The following TMEM182 variants were observed in gnomAD, a reference collection of about 807,000 sequenced individuals.
The protein encoded by TMEM182 is transmembrane protein 182.
TMEM182 carries 20 observed loss-of-function variants against 26.8 expected under a neutral mutation model. The observed-to-expected ratio is 0.75, with a 90% CI of 0.53 to 1.09. The LOEUF is 1.09. TMEM182 is among the 50% of genes least tolerant of loss of function. The pLI, the probability that TMEM182 is intolerant of heterozygous loss-of-function variation, is 0.00. For synonymous variants in TMEM182, 109 were observed against 102.2 expected (o/e 1.07, Z -0.40); for missense variants, 277 against 275.5 (o/e 1.01, Z -0.04).
chr2:102,753,797 T>G (rs1679953818), intron 1 of TMEM182, among the ~76,000 whole-genome samples: 1 of 152,204 alleles, frequency 6.6e-6, no homozygotes, highest in South Asian at 2.1e-4. Context: ...GTAAGATGAA[T>G]AGCTGAATTT....
chr2:102,769,472 A>T (rs889802555), intron 3 of TMEM182, among the ~76,000 whole-genome samples: 1 of 152,118 alleles, frequency 6.6e-6, no homozygotes, highest in Non-Finnish European at 1.5e-5. Flanking sequence ...AACAATAAGT[A>T]TTATTTTAGT....
intron 4 of TMEM182, among the ~76,000 whole-genome samples, chr2:102,798,745 G>A (rs1573547965): frequency 1.3e-5 from 2 of 152,230 alleles, no homozygotes; most frequent in Non-Finnish European, 2.9e-5. Context: ...GGAGGCTGAG[G>A]CAGGAGAATC....
intron 3 of TMEM182, among the ~76,000 whole-genome samples, chr2:102,823,854 G>A (rs745566118): frequency 1.3e-5 from 2 of 152,194 alleles, no homozygotes; most frequent in South Asian, 4.1e-4. Context: ...CCATCCACTG[G>A]TTTAATGGGA....
Position 102,771,970 on chromosome 2 carries a change from G to A in TMEM182, c.331+7543G>A, listed in dbSNP as rs985294607. ...ATCACCCTCTAATGAAAATCACTGA[G>A]GCCATCTAGACATTTAGTCCCAAAA... On this transcript the variant is annotated intron_variant, in intron 3 of 4. Transcript: ENST00000412401. 2.6e-5 allele frequency among the ~76,000 whole-genome samples: 4 copies of A among 152,120 alleles called. No individual in the cohort carries two copies. The East Asian group carries it at 5.8e-4, about 22-fold the overall frequency.
rs763587468 is a variant in TMEM182 at position 102,762,281 on chromosome 2, T to C, written c.64T>C (p.Leu22=). The change falls in exon 1 of 5, where the codon TTG becomes CTG. Residue 22 remains leucine, a synonymous_variant. Transcript: ENST00000412401. ...LFGALGVLLF[L]VAFGSDYWLL... is the part of the protein sequence containing the mutation. ...TGGTGCTTTGGGGGTGTTACTCTTT[T>C]TGGTGGCTTTTGGATCGGATTATTG... is the stretch of plus-strand genomic sequence containing the variant. The C allele has an allele frequency of 6.2e-7, 1 of 1,613,926 alleles. No individual in the cohort carries two copies. The highest frequency in any genetic ancestry group is 1.3e-5 in the African/African-American group (1 of 74,928).
chr2:102,780,687 C>T (rs1340733436), intron 3 of TMEM182, among the ~76,000 whole-genome samples: 1 of 152,164 alleles, frequency 6.6e-6, no homozygotes, highest in Non-Finnish European at 1.5e-5. Flanking sequence ...CCTTATTCAG[C>T]TTTCTCTGAT....
intron 3 of TMEM182, among the ~76,000 whole-genome samples, chr2:102,796,405 A>G (rs887317736): frequency 6.6e-6 from 1 of 152,176 alleles, no homozygotes; most frequent in Non-Finnish European, 1.5e-5. Context: ...GTTGTTAATG[A>G]TTATACCCCT....
chr2:102,816,345 G>C lies in TMEM182; in HGVS notation c.*1377G>C. The C allele has an allele frequency of 1.0e-6, 1 of 985,270 alleles. No homozygotes were observed. The highest frequency in any genetic ancestry group is 4.7e-5 in the South Asian group (1 of 21,266). The allele number at this position is 985,270 out of a possible 1,614,324, so 61.0% of individuals were successfully genotyped here. ...ACCACCCAGAAGATGCTCTGGGATA[G>C]AGGAACTGCTCCTTTTCATCAGCTC... is the stretch of plus-strand genomic sequence containing the variant. On this transcript the variant is annotated 3_prime_UTR_variant, in exon 5 of 5. Transcript: ENST00000412401.
intron 4 of TMEM182, among the ~76,000 whole-genome samples, chr2:102,803,603 T>C (rs1223171694): frequency 6.6e-6 from 1 of 152,206 alleles, no homozygotes. Context: ...GGATACATAA[T>C]ACGTAATTCA....
chr2:102,789,567 A>C (rs757810730), intron 3 of TMEM182, among the ~76,000 whole-genome samples: 5 of 152,184 alleles, frequency 3.3e-5, no homozygotes, highest in Admixed American at 1.3e-4. Flanking sequence ...TGTCATCTCC[A>C]TCCCAGCTGC....
chr2:102,741,652 A>G (rs1194900093), intron 1 of TMEM182, among the ~76,000 whole-genome samples: 2 of 152,206 alleles, frequency 1.3e-5, no homozygotes, highest in East Asian at 3.8e-4. Flanking sequence ...TAAGCCCACT[A>G]AAACACTGAA....
intron 3 of TMEM182, among the ~76,000 whole-genome samples, chr2:102,787,470 T>A (rs967407451): frequency 2.0e-5 from 3 of 152,186 alleles, no homozygotes; most frequent in African/African-American, 7.2e-5. Context: ...CTTCCTCAAG[T>A]CTCCATCTTC....
At chr2:102,746,660 C>T (rs191344603) in intron 1 of TMEM182, among the ~76,000 whole-genome samples, 9 of 152,190 alleles carry the variant, frequency 5.9e-5, no homozygotes, top group African/African-American at 9.6e-5. Context: ...ATGGCGCGAT[C>T]GTGGCTCACT....
At position 102,816,181 on chromosome 2, in the gene TMEM182, T is replaced by C; in HGVS notation, c.*1213T>C. The C allele has an allele frequency of 1.0e-6, 1 of 985,438 alleles. No homozygotes were observed. The highest frequency in any genetic ancestry group is 4.7e-5 in the South Asian group (1 of 21,294). The allele number at this position is 985,438 out of a possible 1,614,324, so 61.0% of individuals were successfully genotyped here. ...TGATTGAAATCAAATCCATCTGAGA[T>C]GCCTAGCTCGTATTTGCATTCTGGA... is the stretch of plus-strand genomic sequence containing the variant. On this transcript the variant is annotated 3_prime_UTR_variant, in exon 5 of 5. Coordinates refer to ENST00000412401, the MANE Select transcript of TMEM182 (RefSeq NM_144632.5).
rs1173162754 is a variant in TMEM182, at chr2:102,791,074, T to G, written c.332-6789T>G. 3.9e-5 allele frequency among the ~76,000 whole-genome samples: 6 copies of G among 152,134 alleles called. No individual in the cohort carries two copies. The East Asian group carries it at 9.6e-4, about 24-fold the overall frequency. ...CCTCAGCCTCCCGAGTAGCTGGGAT[T>G]AGAGGCGTATGCCACCATGCCTGGC... is the stretch of plus-strand genomic sequence containing the variant. On this transcript the variant is annotated intron_variant, in intron 3 of 4. Coordinates refer to ENST00000412401, the MANE Select transcript of TMEM182 (RefSeq NM_144632.5).
intron 1 of TMEM182, among the ~76,000 whole-genome samples, chr2:102,747,492 A>C (rs796905809): frequency 3.3e-5 from 5 of 152,356 alleles, no homozygotes; most frequent in African/African-American, 1.2e-4. Context: ...CCAGGATGAT[A>C]CTGACATCCA....
At chr2:102,761,116 G>A (rs751110471), upstream of TMEM182, among the ~76,000 whole-genome samples, 1 of 152,078 alleles carries the variant, frequency 6.6e-6, no homozygotes, top group Non-Finnish European at 1.5e-5. Context: ...ATAACCAAAG[G>A]AACGGTGCAA....
rs191136130 is a variant in TMEM182, at chr2:102,825,045, A to G, written c.326-18367A>G. Among the ~76,000 whole-genome samples, 199 of 152,258 alleles carry G rather than the reference A, an allele frequency of 1.3e-3. 1 individual carries two copies. The highest frequency in any genetic ancestry group is 4.5e-3 in the African/African-American group (187 of 41,552). ...ATATATTCCAAATTGCTTTCATAAC[A>G]TTGTTGCTTTATAACATGTTATTTT... On this transcript the variant is annotated intron_variant, in intron 3 of 3. Coordinates refer to the TMEM182 transcript ENST00000486293.
intron 3 of TMEM182, chr2:102,834,517 A>G (rs1186659079): frequency 7.2e-6 from 6 of 834,474 alleles, no homozygotes; most frequent in African/African-American, 1.8e-5. Flanking sequence ...CAACAGATAT[A>G]GGTGAGCCTT....
Sources: gnomAD v4.1 joint callset for allele counts (sites outside exome capture counted in the v4.1 genomes callset) on GRCh38, gnomAD v4.1.1 for gene constraint, MANE v1.5 for transcripts, NCBI Gene and HGNC (gene_info 2026-07-23, HGNC 2026-07-21) for gene names.